The following SOS2 variants were observed in gnomAD, a reference collection of about 807,000 sequenced individuals.
The protein encoded by SOS2 is son of sevenless homolog 2.
A neutral mutation model predicts 148.2 loss-of-function variants in SOS2; 65 were observed. The observed-to-expected ratio is 0.44, with a 90% CI of 0.36 to 0.54. The LOEUF (loss-of-function observed/expected upper bound fraction) is 0.54. Among genes scored for constraint, SOS2 ranks in the 20% least tolerant of loss-of-function variants. The pLI is 0.00. For synonymous variants in SOS2, 539 were observed against 537.1 expected, an observed-to-expected ratio of 1.00 and a Z score of -0.05; for missense variants, 1,341 against 1,590.2, an observed-to-expected ratio of 0.84 and a Z score of 2.67.
chr14:50,172,504 G>A lies in SOS2; in HGVS notation c.1068+1950C>T, dbSNP rs181299690. On this transcript the variant is annotated intron_variant, in intron 8 of 22. Transcript: ENST00000216373. The stretch of plus-strand genomic sequence containing the variant: ...GCCTCCTGAGTAGCTGGGATTACAG[G>A]CATGTGCCACCACCCCTAGCTAATT... Among the ~76,000 whole-genome samples, 478 of 143,454 alleles carry A rather than the reference G, an allele frequency of 3.3e-3. 4 individuals are homozygous for A. Among genetic ancestry groups the A allele is most frequent in the African/African-American group, 0.012 (451 of 38,674 alleles). The allele number at this position is 143,454 out of a possible 152,430, so 94.1% of individuals were successfully genotyped here.
chr14:50,178,717 CATAT>C lies in SOS2; in HGVS notation c.969+1851_969+1854del, dbSNP rs1159344263. Among the ~76,000 whole-genome samples, 52 of 7,280 alleles carry C rather than the reference CATAT, an allele frequency of 7.1e-3. No homozygotes were observed. The East Asian group carries it at 0.11, about 15-fold the overall frequency. The allele number at this position is 7,280 out of a possible 152,430, so 4.8% of individuals were successfully genotyped here. ...ATATATATATATATATATATACACA[CATAT>C]ACACACACATATATATATATATATT... On this transcript the variant is annotated intron_variant, in intron 7 of 22. Coordinates refer to ENST00000216373, the MANE Select transcript of SOS2 (RefSeq NM_006939.4).
Position 50,188,454 on chromosome 14 carries a change from T to G in SOS2, c.714+43A>C. 2.3e-6 allele frequency: 3 copies of G among 1,305,768 alleles called. 1 individual carries two copies. In the South Asian group the frequency reaches 3.8e-5, roughly 16 times the overall value. 80.9% of individuals were successfully genotyped at this position (1,305,768 alleles called of 1,614,324 possible). On this transcript the variant is annotated intron_variant, in intron 5 of 22. Transcript: ENST00000216373. ...TATTTATGATTTTAAGCTGGTCTGG[T>G]TTTTTGGGGTACACAGAATTTCAAA...
At position 50,159,772 on chromosome 14, in the gene SOS2, T is replaced by C. The variant is rs1884937142; in HGVS notation, c.1511A>G (p.Asp504Gly). ...MRKIQICDKE[D>G]TCEHKHAFEL... ...AAATGCATGCTTGTGCTCACAAGTA[T>C]CTTCTTTATCACAAATTTGTATTTT... is the stretch of plus-strand genomic sequence containing the variant. Residue 504 changes from aspartate to glycine, a missense_variant, in exon 10 of 23, where the codon GAT becomes GGT. Physicochemically the swap from Asp to Gly is moderately conservative, Grantham distance 94 (BLOSUM62 -1). Around this residue, in one of 4 missense-constraint regions of SOS2, gnomAD observed 574 missense variants for 711.1 expected, o/e 0.81. Transcript: ENST00000216373. The C allele has an allele frequency of 6.2e-7, 1 of 1,614,042 alleles. No individual in the cohort carries two copies. Among genetic ancestry groups the C allele is most frequent in the Non-Finnish European group, 8.5e-7 (1 of 1,179,908 alleles).
At chr14:50,179,786 AT>A (rs759827593) in intron 7 of SOS2, among the ~76,000 whole-genome samples, 7 of 152,172 alleles carry the variant, frequency 4.6e-5, no homozygotes, top group Non-Finnish European at 8.8e-5. Flanking sequence ...CTCTCCACTT[AT>A]TTTCATTTTA....
intron 7 of SOS2, among the ~76,000 whole-genome samples, chr14:50,178,646 TAG>T (rs1491490617): frequency 8.1e-6 from 1 of 123,610 alleles, no homozygotes; most frequent in African/African-American, 3.1e-5. Flanking sequence ...CCATGCCCGC[TAG>T]TGTGTGTGTG....
At position 50,151,002 on chromosome 14, in the gene SOS2, C is replaced by T. The variant is rs913617195; in HGVS notation, c.2162-772G>A. Among the ~76,000 whole-genome samples, 70 of 152,048 alleles carry T rather than the reference C, an allele frequency of 4.6e-4. 1 individual carries two copies. Among genetic ancestry groups the T allele is most frequent in the Non-Finnish European group, 7.4e-5 (5 of 68,012 alleles). On this transcript the variant is annotated intron_variant, in intron 13 of 22. Transcript: ENST00000216373. ...CCTCTCAAAGTGCTGGGATTACAGG[C>T]GTGAGCCACCGCGCCTGGCCTAATT...
chr14:50,180,624 T>C lies in SOS2; in HGVS notation c.917A>G (p.His306Arg), dbSNP rs760242353. 3 of 1,605,832 alleles carry C rather than the reference T, an allele frequency of 1.9e-6. No individual in the cohort carries two copies. Among genetic ancestry groups the C allele is most frequent in the Non-Finnish European group, 2.5e-6 (3 of 1,176,574 alleles). The change falls in exon 7 of 23, where the codon CAT becomes CGT. Residue 306 changes from histidine to arginine, a missense_variant. His to Arg is a conservative substitution (Grantham distance 29). Coordinates refer to ENST00000216373, the MANE Select transcript of SOS2 (RefSeq NM_006939.4). ...GGCCATCAATTTATTGAAATGTTCA[T>C]GAAACTCTGGTGAAAGAATGTCCTG... ...LSQDILSPEF[H>R]EHFNKLMARP...
At chr14:50,135,944 G>A (rs1377919018) in intron 18 of SOS2, among the ~76,000 whole-genome samples, 1 of 151,652 alleles carries the variant, frequency 6.6e-6, no homozygotes, top group Non-Finnish European at 1.5e-5. Flanking sequence ...GCAAATTACT[G>A]GATTTAGCTT....
chr14:50,190,921 A>G (rs1461377155), intron 4 of SOS2, among the ~76,000 whole-genome samples: 3 of 152,206 alleles, frequency 2.0e-5, no homozygotes, highest in Admixed American at 2.0e-4. Flanking sequence ...TGCAAAATAA[A>G]GGAAGACATA....
rs1367910776 is a variant in SOS2 at position 50,118,657 on chromosome 14, T to C, written c.3686A>G (p.Asn1229Ser). 6.2e-7 allele frequency: 1 copy of C among 1,613,636 alleles called. No individual in the cohort carries two copies. Among genetic ancestry groups the C allele is most frequent in the Non-Finnish European group, 8.5e-7 (1 of 1,179,924 alleles). ...VPLRPPEHFI[N>S]CPFNLQPPPL... ...AGGTGGCTGAAGATTAAATGGACAG[T>C]TTATAAAGTGTTCTGGAGGCCGAAG... The change falls in exon 23 of 23, where the codon AAC (asparagine) becomes AGC (serine). Residue 1229 changes from asparagine (N) to serine (S), a missense_variant. By Grantham distance (46) the Asn-to-Ser change is conservative. Transcript: ENST00000216373.
intron 14 of SOS2, among the ~76,000 whole-genome samples, chr14:50,145,915 A>G (rs891442646): frequency 6.6e-6 from 1 of 152,040 alleles, no homozygotes; most frequent in African/African-American, 2.4e-5. Context: ...CAGATGGATC[A>G]CCTGAGGTCA....
At chr14:50,129,180 C>A (rs537252872) in intron 21 of SOS2, among the ~76,000 whole-genome samples, 1 of 151,966 alleles carries the variant, frequency 6.6e-6, no homozygotes, top group Admixed American at 6.5e-5. Context: ...TAGTGCTTTA[C>A]TTAAAATTTA....
intron 14 of SOS2, among the ~76,000 whole-genome samples, chr14:50,149,397 A>G (rs1451802725): frequency 6.6e-6 from 1 of 152,168 alleles, no homozygotes; most frequent in African/African-American, 2.4e-5. Flanking sequence ...TAAATCAGAC[A>G]CAGAAAGAAA....
chr14:50,160,109 C>T (rs772118176), intron 9 of SOS2, 23 bp from the exon 10 acceptor site: 3 of 1,576,000 alleles, frequency 1.9e-6, no homozygotes, highest in South Asian at 2.3e-5. Flanking sequence ...AACAATATAG[C>T]TTATTCAACA....
intron 1 of SOS2, among the ~76,000 whole-genome samples, chr14:50,209,801 C>T (rs1277106698): frequency 1.3e-5 from 2 of 151,736 alleles, no homozygotes; most frequent in Admixed American, 6.6e-5. Flanking sequence ...TTTAAAATAC[C>T]GTGTACCTTG....
chr14:50,208,630 G>A (rs1886755843), intron 1 of SOS2, among the ~76,000 whole-genome samples: 1 of 152,094 alleles, frequency 6.6e-6, no homozygotes, highest in Non-Finnish European at 1.5e-5. Context: ...CTGAGCGACA[G>A]AGCAAGACTC....
In SOS2 at chr14:50,117,469, T is replaced by G. The variant is rs1484774401; in HGVS notation, c.*875A>C. The stretch of plus-strand genomic sequence containing the variant: ...TCTTGAAGGCAAGGCAGTTGGTTCC[T>G]ATGCCATAGAATTTTTTTTGAATTT... On this transcript the variant is annotated 3_prime_UTR_variant, in exon 23 of 23. Transcript: ENST00000216373. 6.6e-6 allele frequency: 1 copy of G among 152,396 alleles called. No individual in the cohort carries two copies. Among genetic ancestry groups the G allele is most frequent in the East Asian group, 1.9e-4 (1 of 5,194 alleles). 9.4% of individuals were successfully genotyped at this position (152,396 alleles called of 1,614,324 possible).
At chr14:50,199,968 G>A in intron 3 of SOS2, 113 bp from the exon 4 acceptor site, 2 of 632,896 alleles carry the variant, frequency 3.2e-6, no homozygotes, top group Non-Finnish European at 5.4e-6. Context: ...TTAACTACAT[G>A]TCTAAATGTA....
intron 1 of SOS2, among the ~76,000 whole-genome samples, chr14:50,224,304 A>AATATAT (rs869147303): frequency 1.1e-4 from 7 of 62,690 alleles, no homozygotes; most frequent in African/African-American, 4.2e-4. Context: ...AAAAAAAAAA[A>AATATAT]ATATATATAT....
Sources: allele counts gnomAD v4.1 joint callset (sites outside exome capture counted in the v4.1 genomes callset), GRCh38; gene constraint gnomAD v4.1.1; regional missense constraint gnomAD v4.1.1; transcripts MANE v1.5; gene names NCBI Gene and HGNC (gene_info 2026-07-23, HGNC 2026-07-21).